Variants in TUBGCP2 observed in about 807,000 individuals in gnomAD.
The protein encoded by TUBGCP2 is gamma-tubulin complex component 2.
Under a neutral mutation model 92.2 loss-of-function variants are expected in TUBGCP2, and 55 were observed. That is an observed-to-expected ratio of 0.60 (90% CI 0.48 to 0.75). The LOEUF is 0.75. Among genes scored for constraint, TUBGCP2 ranks in the 30% least tolerant of loss-of-function variants. The pLI, the probability that TUBGCP2 is intolerant of heterozygous loss-of-function variation, is 0.00. For missense variants in TUBGCP2, 1,093 were observed against 1,188.9 expected (o/e 0.92, Z 1.19); for synonymous variants, 533 against 505.2 (o/e 1.06, Z -0.74).
chr10:133,292,978 G>A, intron 7 of TUBGCP2, 61 bp downstream of exon 7: 4 of 1,567,054 alleles, frequency 2.6e-6, no homozygotes, highest in Non-Finnish European at 2.6e-6. Flanking sequence ...TCCTCACACT[G>A]GGTGCCATGT....
chr10:133,307,827 C>A (rs924123991), intron 1 of TUBGCP2, among the ~76,000 whole-genome samples: 1 of 152,206 alleles, frequency 6.6e-6, no homozygotes, highest in Non-Finnish European at 1.5e-5. Context: ...GGATGGTGTA[C>A]GGCCTACAAT....
chr10:133,288,163 G>A lies in TUBGCP2; in HGVS notation c.1688C>T (p.Thr563Met), dbSNP rs376240552. ...ALLELALRMS[T>M]ANTDPFKDDL... Reference sequence around the variant, plus strand: ...GTCCTTGAAGGGGTCAGTGTTGGCCGTGCTCATGCGCAGCGCCAGCTCCAG... The same window carrying A: ...GTCCTTGAAGGGGTCAGTGTTGGCCATGCTCATGCGCAGCGCCAGCTCCAG... The change falls in exon 11 of 18, where the codon ACG becomes ATG. Residue 563 changes from threonine (T) to methionine (M), a missense_variant. Around this residue, in one of 3 missense-constraint regions of TUBGCP2, gnomAD observed 598 missense variants for 675.5 expected, o/e 0.89. Coordinates refer to ENST00000252936, the MANE Select transcript of TUBGCP2 (RefSeq NM_006659.4). The A allele has an allele frequency of 1.8e-5, 29 of 1,613,662 alleles. No homozygotes were observed. Among genetic ancestry groups the A allele is most frequent in the South Asian group, 9.9e-5 (9 of 91,082 alleles).
intron 5 of TUBGCP2, among the ~76,000 whole-genome samples, chr10:133,294,484 T>C (rs1263167210): frequency 6.6e-6 from 1 of 152,152 alleles, no homozygotes; most frequent in Non-Finnish European, 1.5e-5. Flanking sequence ...ACAAAATCAC[T>C]CTGTCAGCCT....
chr10:133,288,596 C>A (rs907318355), intron 10 of TUBGCP2, among the ~76,000 whole-genome samples: 8 of 152,256 alleles, frequency 5.3e-5, no homozygotes, highest in African/African-American at 2.4e-5. Flanking sequence ...GCAGGAGGAG[C>A]TGAGAAGGGG....
upstream of TUBGCP2, among the ~76,000 whole-genome samples, chr10:133,311,400 T>G (rs1192028312): frequency 6.6e-6 from 1 of 152,220 alleles, no homozygotes; most frequent in Non-Finnish European, 1.5e-5. Context: ...TCTGGTTAAC[T>G]TTAGCAAATT....
chr10:133,311,911 CT>C, upstream of TUBGCP2: 1 of 1,613,178 alleles, frequency 6.2e-7, no homozygotes. Flanking sequence ...TGGGCTGCAC[CT>C]GGGCCGCAGC....
rs201339306 is a variant in TUBGCP2 at position 133,285,446 on chromosome 10, C to A, written c.1895+10G>T. On this transcript the variant is annotated intron_variant, in intron 12 of 17. Coordinates refer to ENST00000252936, the MANE Select transcript of TUBGCP2 (RefSeq NM_006659.4). This position sits in a 1 kb window ranked among gnomAD's most constrained non-coding sequence, Gnocchi z 6.8. Reference sequence around the variant, plus strand: ...AAGATCTGGCAGGTGCCCGAGCAGCCGACCCGCACCTGTTGATGATGAGCG... The same window carrying A: ...AAGATCTGGCAGGTGCCCGAGCAGCAGACCCGCACCTGTTGATGATGAGCG... 1.9e-6 allele frequency: 3 copies of A among 1,613,246 alleles called. No individual in the cohort carries two copies. The South Asian group carries it at 3.3e-5, about 18-fold the overall frequency.
At chr10:133,304,912 C>T (rs1223717616) in intron 1 of TUBGCP2, among the ~76,000 whole-genome samples, 1 of 152,098 alleles carries the variant, frequency 6.6e-6, no homozygotes, top group Non-Finnish European at 1.5e-5. Flanking sequence ...CTTGGTCTAG[C>T]GGTGATGCCA....
chr10:133,308,777 C>T (rs1286569433), intron 1 of TUBGCP2, 46 bp downstream of exon 1: 2 of 415,514 alleles, frequency 4.8e-6, no homozygotes, highest in Non-Finnish European at 7.8e-6. Flanking sequence ...CTGGCAGTCC[C>T]CCAACCCCCT....
chr10:133,297,384 C>A (rs560822588), intron 5 of TUBGCP2: 2 of 447,928 alleles, frequency 4.5e-6, no homozygotes, highest in Non-Finnish European at 8.9e-6. Context: ...GGCGACAGAG[C>A]GAGATTCCAT....
At chr10:133,310,187 C>T (rs1847957794), upstream of TUBGCP2, 1 of 1,613,964 alleles carries the variant, frequency 6.2e-7, no homozygotes, top group African/African-American at 1.3e-5. Context: ...TAGAAGGCTG[C>T]ACAGAGAAGT....
In TUBGCP2 at chr10:133,292,007, CGTGTCCCCCATGTCCCTCT is replaced by C. The variant is rs1326339772; in HGVS notation, c.1214+473_1214+491del. Among the ~76,000 whole-genome samples the C allele has an allele frequency of 1.5e-4, 2 of 13,668 alleles. 1 individual carries two copies. The highest frequency in any genetic ancestry group is 2.9e-4 in the Non-Finnish European group (2 of 6,996). 9.0% of individuals were successfully genotyped at this position (13,668 alleles called of 152,430 possible). A position where few individuals can be genotyped will look rare whatever the true frequency, so the allele number is the denominator to read the frequency against. ...ACGGGAGAGGGCAGCACGCACCCTC[CGTGTCCCCCATGTCCCTCT>C]GTGTCCCTCCGTGTCCCTCCGTGTC... On this transcript the variant is annotated intron_variant, in intron 8 of 17. Transcript: ENST00000252936.
Position 133,304,164 on chromosome 10 carries a change from C to T in TUBGCP2, c.-39-1184G>A, listed in dbSNP as rs146485208. On this transcript the variant is annotated intron_variant, in intron 1 of 17. Coordinates refer to ENST00000252936, the MANE Select transcript of TUBGCP2 (RefSeq NM_006659.4). The stretch of plus-strand genomic sequence containing the variant: ...TGGGCAACACAGTGAGACTCTGTCT[C>T]TACAAAAAATACAAAAATTAACTGG... Among the ~76,000 whole-genome samples, 10 of 152,262 alleles carry T rather than the reference C, an allele frequency of 6.6e-5. 1 individual carries two copies. In the East Asian group the frequency reaches 1.9e-3, roughly 29 times the overall value.
At chr10:133,280,453 G>A (rs2136105768) in intron 17 of TUBGCP2, among the ~76,000 whole-genome samples, 1 of 152,320 alleles carries the variant, frequency 6.6e-6, no homozygotes, top group Non-Finnish European at 1.5e-5. Context: ...CACCCCCAAG[G>A]GCACCACCCC....
rs1297036694 is a variant in TUBGCP2, at chr10:133,308,871, G to C, written c.-88C>G. Reference sequence around the variant, plus strand: ...CGCGCAGCCCCCGACGGCGGCGGAAGTGAGCGTGACGTCACGTCCGGCTCG... The same window carrying C: ...CGCGCAGCCCCCGACGGCGGCGGAACTGAGCGTGACGTCACGTCCGGCTCG... On this transcript the variant is annotated 5_prime_UTR_variant, in exon 1 of 18. Transcript: ENST00000252936. 1 of 1,182,480 alleles carries C rather than the reference G, an allele frequency of 8.5e-7. No individual in the cohort carries two copies. Among genetic ancestry groups the C allele is most frequent in the Non-Finnish European group, 1.1e-6 (1 of 951,294 alleles). 73.2% of individuals were successfully genotyped at this position (1,182,480 alleles called of 1,614,324 possible). A position where few individuals can be genotyped will look rare whatever the true frequency, so the allele number is the denominator to read the frequency against.
chr10:133,310,280 A>G (rs1564778634), upstream of TUBGCP2: 7 of 1,613,942 alleles, frequency 4.3e-6, no homozygotes, highest in Non-Finnish European at 5.9e-6. Flanking sequence ...AGCCAAAGAA[A>G]AGCAGAAGGT....
intron 4 of TUBGCP2, 113 bp downstream of exon 4, chr10:133,299,314 G>A (rs1229846834): frequency 3.4e-5 from 29 of 855,048 alleles, no homozygotes; most frequent in Non-Finnish European, 4.6e-5. Flanking sequence ...ATGACAGAGA[G>A]ACATGTCCTT....
rs112377366 is a variant in TUBGCP2, at chr10:133,299,659, G to T, written c.280-56C>A. ...TGGGCCAGCACCTCTTTGGCCATAGGGGGAGAGTAGGGACGACACCACCAG... is the reference window on the plus strand; with the variant it reads ...TGGGCCAGCACCTCTTTGGCCATAGTGGGAGAGTAGGGACGACACCACCAG... On this transcript the variant is annotated intron_variant, in intron 3 of 17. Transcript: ENST00000252936. 6.8e-6 allele frequency: 10 copies of T among 1,464,290 alleles called. No individual in the cohort carries two copies. In the South Asian group the frequency reaches 7.6e-5, roughly 11 times the overall value. The allele number at this position is 1,464,290 out of a possible 1,614,324, so 90.7% of individuals were successfully genotyped here.
At chr10:133,298,757 G>C (rs1847551983) in intron 4 of TUBGCP2, among the ~76,000 whole-genome samples, 2 of 152,260 alleles carry the variant, frequency 1.3e-5, no homozygotes, top group Admixed American at 6.5e-5. Context: ...TTCTGCCACG[G>C]CTGAGGGAGA....
Sources: gnomAD v4.1 joint callset for allele counts (sites outside exome capture counted in the v4.1 genomes callset) on GRCh38, gnomAD v4.1.1 for gene constraint, gnomAD v4.1.1 regional missense constraint, Gnocchi (gnomAD v3.1) non-coding constraint, MANE v1.5 for transcripts, NCBI Gene and HGNC (gene_info 2026-07-23, HGNC 2026-07-21) for gene names.